The following PARM1 variants were observed in gnomAD, a reference collection of about 807,000 sequenced individuals.
PARM1 encodes the protein WSC4, cell wall integrity and stress response component 4 homolog.
A neutral mutation model predicts 24.6 loss-of-function variants in PARM1; 14 were observed. The ratio of observed to expected loss-of-function variants is 0.57; its 90% CI spans 0.38 to 0.89. The LOEUF (loss-of-function observed/expected upper bound fraction) is 0.89. Among genes scored for constraint, PARM1 ranks in the 40% least tolerant of loss-of-function variants. The pLI is 0.00. For synonymous variants in PARM1, 179 were observed against 156.6 expected, an observed-to-expected ratio of 1.14 and a Z score of -1.07; for missense variants, 362 against 380.4, an observed-to-expected ratio of 0.95 and a Z score of 0.40.
chr4:74,974,715 T>C (rs1410782294), intron 1 of PARM1, among the ~76,000 whole-genome samples: 2 of 152,214 alleles, frequency 1.3e-5, no homozygotes, highest in East Asian at 3.9e-4. Flanking sequence ...AATTCAGATA[T>C]TGAAGCCCTT....
At chr4:74,965,479 G>A (rs1161027778) in intron 1 of PARM1, 1 of 152,150 alleles carries the variant, frequency 6.6e-6, no homozygotes, top group African/African-American at 2.4e-5. Context: ...TCATTAACTT[G>A]TGCTCTGTTA....
At chr4:74,975,803 G>A (rs987621433) in intron 1 of PARM1, among the ~76,000 whole-genome samples, 1 of 152,154 alleles carries the variant, frequency 6.6e-6, no homozygotes, top group Non-Finnish European at 1.5e-5. Flanking sequence ...AGGGAGGAGG[G>A]GGCAAGATGG....
At chr4:74,933,458 G>T (rs1721110680) in intron 1 of PARM1, 88 bp downstream of exon 1, 1 of 1,124,104 alleles carries the variant, frequency 8.9e-7, no homozygotes. Flanking sequence ...AGGAGATCCG[G>T]CAGTGAGTCG....
Position 74,933,248 on chromosome 4 carries a change from C to G in PARM1, c.-80C>G, listed in dbSNP as rs999701860. ...CGCAGCCCACCCGGCAGAGGAGTCG[C>G]TACCAGCGCCCAGTGCGCTCTGTCA... On this transcript the variant is annotated 5_prime_UTR_variant, in exon 1 of 4. Coordinates refer to ENST00000307428, the MANE Select transcript of PARM1 (RefSeq NM_015393.4). 8.4e-6 allele frequency: 11 copies of G among 1,304,968 alleles called. No individual in the cohort carries two copies. The highest frequency in any genetic ancestry group is 4.4e-5 in the African/African-American group (3 of 68,564). The allele number at this position is 1,304,968 out of a possible 1,614,324, so 80.8% of individuals were successfully genotyped here.
intron 1 of PARM1, chr4:74,956,494 A>G (rs2109986939): frequency 6.6e-6 from 1 of 152,350 alleles, no homozygotes; most frequent in Non-Finnish European, 1.5e-5. Flanking sequence ...CAAAGGACAA[A>G]TATATCTATG....
intron 2 of PARM1, among the ~76,000 whole-genome samples, chr4:75,017,462 G>C (rs1051044473): frequency 2.6e-5 from 4 of 152,030 alleles, no homozygotes; most frequent in African/African-American, 9.7e-5. Context: ...TCTCCCTCCA[G>C]ATCTTCAATG....
chr4:75,020,536 G>A (rs1419970231), intron 2 of PARM1, among the ~76,000 whole-genome samples: 2 of 147,934 alleles, frequency 1.4e-5, no homozygotes, highest in Non-Finnish European at 1.5e-5. Flanking sequence ...TGTCCACACA[G>A]CAGCCAGAGT....
At position 74,947,399 on chromosome 4, in the gene PARM1, G is replaced by T. The variant is rs139759285; in HGVS notation, c.43+14029G>T. Among the ~76,000 whole-genome samples the T allele has an allele frequency of 9.9e-4, 150 of 152,248 alleles. 1 individual carries two copies. The East Asian group carries it at 0.023, about 23-fold the overall frequency. ...ATTGAGAGAAAGATTGACAGAGGTA[G>T]GAGGAATTTATAAACTAGAAAGAGA... On this transcript the variant is annotated intron_variant, in intron 1 of 3. Transcript: ENST00000307428.
intron 1 of PARM1, chr4:74,994,106 A>G (rs1578042961): frequency 6.6e-6 from 1 of 152,168 alleles, no homozygotes; most frequent in South Asian, 2.1e-4. Flanking sequence ...TACCAAGGCC[A>G]AGAAGTAGGA....
intron 2 of PARM1, among the ~76,000 whole-genome samples, chr4:75,030,391 T>C (rs145003218): frequency 6.6e-6 from 1 of 152,326 alleles, no homozygotes; most frequent in African/African-American, 2.4e-5. Flanking sequence ...TGTACAGTTT[T>C]GTGCATAGTC....
chr4:75,015,250 T>C (rs961296400), intron 2 of PARM1, among the ~76,000 whole-genome samples: 1 of 152,234 alleles, frequency 6.6e-6, no homozygotes, highest in African/African-American at 2.4e-5. Context: ...TGTTCTAATA[T>C]CTTGGCTTGA....
chr4:74,997,050 T>C, intron 1 of PARM1, among the ~76,000 whole-genome samples: 1 of 152,190 alleles, frequency 6.6e-6, no homozygotes. Flanking sequence ...TGAAGACTAG[T>C]GAATGCAATT....
At position 75,012,465 on chromosome 4, in the gene PARM1, T is replaced by C; in HGVS notation, c.84T>C (p.Ser28=). 1.2e-6 allele frequency: 2 copies of C among 1,613,928 alleles called. No individual in the cohort carries two copies. The highest frequency in any genetic ancestry group is 1.7e-6 in the Non-Finnish European group (2 of 1,179,862). Residue 28 remains serine (S), a synonymous_variant, in exon 2 of 4, where the codon TCT becomes TCC. Transcript: ENST00000307428. ...GTCTGCCTACATCAGCTCCTTTGTC[T>C]GTTTCTCTTCCGACAAACATTGTAC... ...VQSLPTSAPL[S]VSLPTNIVPP...
chr4:74,948,983 C>T (rs1721459848), intron 1 of PARM1, among the ~76,000 whole-genome samples: 1 of 152,014 alleles, frequency 6.6e-6, no homozygotes, highest in Admixed American at 6.6e-5. Context: ...GATCATGCCA[C>T]TGCACTCCAG....
At chr4:74,978,504 T>C (rs976812315) in intron 1 of PARM1, among the ~76,000 whole-genome samples, 1 of 152,148 alleles carries the variant, frequency 6.6e-6, no homozygotes, top group African/African-American at 2.4e-5. Context: ...CTCCCACACA[T>C]AATAGTGGGA....
intron 2 of PARM1, among the ~76,000 whole-genome samples, chr4:75,025,661 G>C (rs1380059971): frequency 6.6e-6 from 1 of 152,174 alleles, no homozygotes; most frequent in African/African-American, 2.4e-5. Context: ...GCCCCCATGA[G>C]AGAGAAATGA....
intron 1 of PARM1, among the ~76,000 whole-genome samples, chr4:74,938,986 C>T (rs1044644897): frequency 1.3e-5 from 2 of 152,098 alleles, no homozygotes; most frequent in African/African-American, 4.8e-5. Flanking sequence ...CAAAGGTTGT[C>T]CAGTCAAATT....
intron 1 of PARM1, among the ~76,000 whole-genome samples, chr4:75,002,155 G>T (rs1188735087): frequency 6.6e-6 from 1 of 152,230 alleles, no homozygotes; most frequent in Non-Finnish European, 1.5e-5. Context: ...ATCAGGAAAA[G>T]AAGTGGACAA....
chr4:74,954,813 A>G (rs565744378), intron 1 of PARM1, among the ~76,000 whole-genome samples: 17 of 152,182 alleles, frequency 1.1e-4, no homozygotes, highest in Non-Finnish European at 2.2e-4. Flanking sequence ...TCTTGATCTT[A>G]TTTTTATAAA....
Sources: allele counts gnomAD v4.1 joint callset (sites outside exome capture counted in the v4.1 genomes callset), GRCh38; gene constraint gnomAD v4.1.1; transcripts MANE v1.5; gene names NCBI Gene and HGNC (gene_info 2026-07-23, HGNC 2026-07-21).